The following NFKBID variants were observed in gnomAD, a reference collection of about 807,000 sequenced individuals.
NFKBID encodes NF-kappa-B inhibitor delta.
A neutral mutation model predicts 53.4 loss-of-function variants in NFKBID; 26 were observed. That is an observed-to-expected ratio of 0.49 (90% CI 0.36 to 0.68). The LOEUF is 0.68. Among genes scored for constraint, NFKBID ranks in the 30% least tolerant of loss-of-function variants. The pLI, the probability that NFKBID is intolerant of heterozygous loss-of-function variation, is 0.00. For missense variants in NFKBID, 493 were observed against 614.1 expected (o/e 0.80, Z 2.08); for synonymous variants, 262 against 259.8 (o/e 1.01, Z -0.08).
intron 9 of NFKBID, 47 bp from the exon 10 acceptor site, chr19:35,890,537 G>A (rs1209090031): frequency 6.2e-6 from 8 of 1,299,342 alleles, no homozygotes; most frequent in African/African-American, 5.8e-5. Flanking sequence ...TCACACCTAG[G>A]TGCCCTCCCA....
chr19:35,894,240 C>CA (rs1354525934), intron 9 of NFKBID, among the ~76,000 whole-genome samples: 1 of 152,100 alleles, frequency 6.6e-6, no homozygotes, highest in African/African-American at 2.4e-5. Flanking sequence ...GCCTGGGTGA[C>CA]AGAGTGAGAT....
rs549574916 is a variant in NFKBID at position 35,888,616 on chromosome 19, T to C, written c.1315-4A>G. The stretch of plus-strand genomic sequence containing the variant: ...TCCTCTTCAACAGCTGCCGGAGCTG[T>C]AGACAAGGCAAAGGAGGGAGAGAAG... On this transcript the variant is annotated splice_polypyrimidine_tract_variant and splice_region_variant and intron_variant, in intron 11 of 11. Coordinates refer to ENST00000641389, the Ensembl canonical transcript of NFKBID. 1.1e-5 allele frequency: 18 copies of C among 1,570,690 alleles called. No individual in the cohort carries two copies. The highest frequency in any genetic ancestry group is 2.7e-5 in the African/African-American group (2 of 73,840).
At position 35,895,962 on chromosome 19, in the gene NFKBID, G is replaced by A. The variant is rs1179452982; in HGVS notation, c.1032+18C>T. Reference sequence around the variant, plus strand: ...CCACACAATCTCCCAGGGTCTGACCGCCCACATCCCCGCTCACCTGGCTGG... The same window carrying A: ...CCACACAATCTCCCAGGGTCTGACCACCCACATCCCCGCTCACCTGGCTGG... On this transcript the variant is annotated intron_variant, in intron 9 of 11. Transcript: ENST00000641389. 12 of 1,606,120 alleles carry A rather than the reference G, an allele frequency of 7.5e-6. No individual in the cohort carries two copies. Among genetic ancestry groups the A allele is most frequent in the East Asian group, 2.2e-5 (1 of 44,708 alleles).
At chr19:35,892,543 C>CAAAAAAAAAAAAAAA (rs112001334) in intron 9 of NFKBID, among the ~76,000 whole-genome samples, 3 of 112,268 alleles carry the variant, frequency 2.7e-5, no homozygotes, top group African/African-American at 1.0e-4. Flanking sequence ...GACTCCATCT[C>CAAAAAAAAAAAAAAA]AAAAAAAAAA....
At chr19:35,889,558 T>C (rs1198971018) in intron 11 of NFKBID, among the ~76,000 whole-genome samples, 2 of 150,064 alleles carry the variant, frequency 1.3e-5, no homozygotes, top group Non-Finnish European at 3.0e-5. Context: ...ACATCTGAGG[T>C]CAGGACCCAA....
At chr19:35,894,702 A>C (rs996431253) in intron 9 of NFKBID, among the ~76,000 whole-genome samples, 1 of 152,136 alleles carries the variant, frequency 6.6e-6, no homozygotes, top group African/African-American at 2.4e-5. Context: ...TGTCTCAAAG[A>C]GATTTTTGAG....
At chr19:35,891,523 A>G (rs1484614167) in intron 9 of NFKBID, among the ~76,000 whole-genome samples, 1 of 152,208 alleles carries the variant, frequency 6.6e-6, no homozygotes, top group Non-Finnish European at 1.5e-5. Context: ...TTGGTATTAC[A>G]AGAAAATCTT....
upstream of NFKBID, among the ~76,000 whole-genome samples, chr19:35,901,076 G>A (rs540146384): frequency 2.0e-5 from 3 of 152,050 alleles, no homozygotes; most frequent in African/African-American, 7.2e-5. Context: ...CAGGTGACCC[G>A]CCTGCCTTGG....
Position 35,896,090 on chromosome 19 carries a change from C to T in NFKBID, c.922G>A (p.Val308Ile), listed in dbSNP as rs771845173. Residue 308 changes from valine to isoleucine, a missense_variant, in exon 9 of 12, where the codon GTT becomes ATT. By Grantham distance (29) the Val-to-Ile change is conservative. Around this residue, in one of 2 missense-constraint regions of NFKBID, gnomAD observed 267 missense variants for 384.6 expected, o/e 0.69. Coordinates refer to ENST00000641389, the Ensembl canonical transcript of NFKBID. This position sits in a 1 kb window ranked among gnomAD's most constrained non-coding sequence, Gnocchi z 5.7. The stretch of plus-strand genomic sequence containing the variant: ...CAGAGGTCGGAAGGGCGCATAGCAA[C>T]GTTAAGGGCCAGGATGGCCGTGTGG... 11 of 1,614,220 alleles carry T rather than the reference C, an allele frequency of 6.8e-6. No individual in the cohort carries two copies. Among genetic ancestry groups the T allele is most frequent in the African/African-American group, 2.7e-5 (2 of 75,080 alleles).
chr19:35,898,527 T>C, exon 3 of NFKBID: 2 of 1,532,260 alleles, frequency 1.3e-6, no homozygotes, highest in Non-Finnish European at 1.7e-6. Flanking sequence ...GAGGGAGAAA[T>C]TGTCCCTGTA....
chr19:35,899,272 C>T (rs1339623961), intron 1 of NFKBID, among the ~76,000 whole-genome samples: 1 of 152,126 alleles, frequency 6.6e-6, no homozygotes, highest in African/African-American at 2.4e-5. Flanking sequence ...AGCGCCCCTC[C>T]TCGAGAAGTC....
Position 35,896,760 on chromosome 19 carries a change from T to C in NFKBID, c.650A>G (p.Tyr217Cys). 3 of 1,613,842 alleles carry C rather than the reference T, an allele frequency of 1.9e-6. No homozygotes were observed. Among genetic ancestry groups the C allele is most frequent in the South Asian group, 2.2e-5 (2 of 91,080 alleles). ...ATGCTCACGAATGTCAAGACGCCGG[T>C]ACACCTGGAGCACCTCAGCCGCAGC... The change falls in exon 6 of 12, where the codon TAC becomes TGC. Residue 217 changes from tyrosine to cysteine, a missense_variant. Around this residue, in one of 2 missense-constraint regions of NFKBID, gnomAD observed 267 missense variants for 384.6 expected, o/e 0.69. Coordinates refer to ENST00000641389, the Ensembl canonical transcript of NFKBID. This position sits in a 1 kb window ranked among gnomAD's most constrained non-coding sequence, Gnocchi z 5.7.
chr19:35,888,447 C>T (rs1332685186), exon 12 of NFKBID: 11 of 802,010 alleles, frequency 1.4e-5, no homozygotes, highest in Non-Finnish European at 1.9e-5. Context: ...TGTAAAACCC[C>T]AATGGCAGGA....
upstream of NFKBID, chr19:35,901,926 A>T (rs1975577768): frequency 4.0e-6 from 2 of 498,812 alleles, no homozygotes; most frequent in Non-Finnish European, 7.2e-6. Flanking sequence ...TCCCTGGCAA[A>T]GTTCCTCCTC....
intron 4 of NFKBID, 125 bp downstream of exon 4, chr19:35,897,526 G>C: frequency 1.4e-6 from 1 of 699,566 alleles, no homozygotes; most frequent in South Asian, 1.6e-5. Context: ...TTACAGGTGT[G>C]AGCCACCACG....
chr19:35,897,955 T>C, intron 3 of NFKBID, 99 bp from the exon 4 acceptor site: 1 of 793,184 alleles, frequency 1.3e-6, no homozygotes, highest in Non-Finnish European at 2.0e-6. Context: ...GTACTGAGAG[T>C]TAGTACTTCT....
At chr19:35,898,757 G>T (rs1336196709) in exon 2 of NFKBID, 2 of 1,536,088 alleles carry the variant, frequency 1.3e-6, no homozygotes, top group Non-Finnish European at 1.7e-6. Context: ...TGCTGGCGGC[G>T]CCTCTGCTCT....
upstream of NFKBID, among the ~76,000 whole-genome samples, chr19:35,901,319 A>G (rs1975558224): frequency 6.6e-6 from 1 of 152,098 alleles, no homozygotes; most frequent in African/African-American, 2.4e-5. Context: ...GGGTAAGGGT[A>G]TAGGGTGTGG....
At chr19:35,890,329 CT>C (rs771629496) in intron 10 of NFKBID, 44 bp downstream of exon 10, 47 of 1,365,678 alleles carry the variant, frequency 3.4e-5, no homozygotes, top group South Asian at 1.6e-4. Flanking sequence ...ACTGCCCCCC[CT>C]ACCGTACCCC....
Sources: gnomAD v4.1 joint callset for allele counts (sites outside exome capture counted in the v4.1 genomes callset) on GRCh38, gnomAD v4.1.1 for gene constraint, gnomAD v4.1.1 regional missense constraint, Gnocchi (gnomAD v3.1) non-coding constraint, MANE v1.5 for transcripts, NCBI Gene and HGNC (gene_info 2026-07-23, HGNC 2026-07-21) for gene names.